Variants in TTLL11 observed in about 807,000 individuals in gnomAD.
TTLL11 encodes the protein tubulin polyglutamylase TTLL11.
Under a neutral mutation model 51.7 loss-of-function variants are expected in TTLL11, and 42 were observed. The ratio of observed to expected loss-of-function variants is 0.81; its 90% CI spans 0.64 to 1.05. TTLL11 has a LOEUF of 1.05. Among genes scored for constraint, TTLL11 ranks in the 50% least tolerant of loss-of-function variants. The probability of loss-of-function intolerance (pLI) is 0.00; values close to 1 mark genes in which losing one functional copy is unlikely to be tolerated. For missense variants in TTLL11, 799 were observed against 940.4 expected (o/e 0.85, Z 1.97); for synonymous variants, 381 against 383.5 (o/e 0.99, Z 0.08).
intron 8 of TTLL11, among the ~76,000 whole-genome samples, chr9:121,829,688 A>C (rs1295947719): frequency 1.2e-4 from 18 of 152,052 alleles, no homozygotes; most frequent in Non-Finnish European, 5.9e-5. Context: ...AGGCAGTGCT[A>C]GACTTATAGG....
At chr9:121,855,341 C>A (rs751488587) in intron 8 of TTLL11, among the ~76,000 whole-genome samples, 1 of 152,138 alleles carries the variant, frequency 6.6e-6, no homozygotes. Context: ...TTTATTTAAA[C>A]GGATTATTTG....
At chr9:121,826,184 CTA>C (rs1166211047) in intron 8 of TTLL11, among the ~76,000 whole-genome samples, 570 of 51,108 alleles carry the variant, frequency 0.011, 15 homozygotes, top group Non-Finnish European at 0.014. Context: ...AACCAGTAAC[CTA>C]TATATATATA....
intron 1 of TTLL11, among the ~76,000 whole-genome samples, chr9:122,092,201 T>C (rs1297690917): frequency 6.6e-6 from 1 of 152,190 alleles, no homozygotes; most frequent in Non-Finnish European, 1.5e-5. Flanking sequence ...TGAAGCAACT[T>C]ACTCAAGGTC....
At chr9:122,048,404 C>T (rs1047600523) in intron 1 of TTLL11, among the ~76,000 whole-genome samples, 12 of 152,146 alleles carry the variant, frequency 7.9e-5, no homozygotes, top group African/African-American at 1.4e-4. Context: ...TGGCCTCAAA[C>T]GGTTTTACCA....
At chr9:121,928,688 C>T (rs1840841492) in intron 6 of TTLL11, among the ~76,000 whole-genome samples, 1 of 152,014 alleles carries the variant, frequency 6.6e-6, no homozygotes, top group South Asian at 2.1e-4. Flanking sequence ...GTCTGCCCAC[C>T]TCAGCCTCCC....
intron 3 of TTLL11, among the ~76,000 whole-genome samples, chr9:122,019,027 T>TC (rs1488760139): frequency 6.6e-6 from 1 of 152,172 alleles, no homozygotes; most frequent in Non-Finnish European, 1.5e-5. Context: ...CTCTTGGGTT[T>TC]CCCATCTTGG....
At chr9:121,874,422 T>C (rs1838487631) in intron 6 of TTLL11, among the ~76,000 whole-genome samples, 1 of 152,250 alleles carries the variant, frequency 6.6e-6, no homozygotes, top group Non-Finnish European at 1.5e-5. Context: ...ATGCTCTTTG[T>C]AGACATTCTG....
At position 121,822,727 on chromosome 9, in the gene TTLL11, C is replaced by G; in HGVS notation, c.1993G>C (p.Gly665Arg). The G allele has an allele frequency of 6.4e-7, 1 of 1,551,304 alleles. No individual in the cohort carries two copies. The highest frequency in any genetic ancestry group is 8.7e-7 in the Non-Finnish European group (1 of 1,146,944). The change falls in exon 9 of 9, where the codon GGC becomes CGC. Residue 665 changes from glycine to arginine, a missense_variant. This residue lies in a region of TTLL11 where 165 missense variants were observed against 166.1 expected (regional missense o/e 0.99). Transcript: ENST00000321582. This position sits in a 1 kb window ranked among gnomAD's most constrained non-coding sequence, Gnocchi z 5.8. The part of the protein sequence containing the change: ...LDEKRLVCGR[G>R]VPSGGRPPHR... ...GGGGGCCGGCCCCCCGACGGGACGC[C>G]CCGGCCACACACCAGGCGTTTTTCA...
chr9:122,011,958 G>T (rs886262047), intron 3 of TTLL11, among the ~76,000 whole-genome samples: 1 of 152,158 alleles, frequency 6.6e-6, no homozygotes, highest in Non-Finnish European at 1.5e-5. Context: ...GCATGTTTGC[G>T]TGAGGGGAAA....
intron 2 of TTLL11, among the ~76,000 whole-genome samples, chr9:122,034,112 A>C (rs192310709): frequency 1.1e-4 from 16 of 152,328 alleles, no homozygotes; most frequent in Admixed American, 9.8e-4. Context: ...CTCCACGTAG[A>C]GGATGCCTCC....
chr9:122,032,411 A>G (rs1395966458), intron 2 of TTLL11, among the ~76,000 whole-genome samples: 2 of 152,250 alleles, frequency 1.3e-5, no homozygotes, highest in East Asian at 3.8e-4. Flanking sequence ...GGAAATAAAA[A>G]GAATACCAAA....
chr9:122,092,600 C>T, intron 1 of TTLL11, 87 bp downstream of exon 1: 3 of 1,500,008 alleles, frequency 2.0e-6, no homozygotes, highest in Non-Finnish European at 2.7e-6. Flanking sequence ...CCCTCGCCCG[C>T]CGACCTGACC....
intron 3 of TTLL11, among the ~76,000 whole-genome samples, chr9:122,014,523 G>A (rs1843908008): frequency 6.6e-6 from 1 of 152,132 alleles, no homozygotes; most frequent in Non-Finnish European, 1.5e-5. Context: ...CATAGTGCCT[G>A]TGTTTAATTC....
intron 6 of TTLL11, among the ~76,000 whole-genome samples, chr9:121,926,208 T>G (rs1281297343): frequency 6.6e-6 from 1 of 152,106 alleles, no homozygotes; most frequent in Non-Finnish European, 1.5e-5. Flanking sequence ...GGCCCGGGGC[T>G]GGGGTGCACA....
chr9:121,934,235 A>AAAATAAAT (rs58764604), intron 6 of TTLL11, among the ~76,000 whole-genome samples: 88,636 of 146,196 alleles, frequency 0.61, 29,046 homozygotes, highest in Non-Finnish European at 0.75. Flanking sequence ...CTCCATCTCA[A>AAAATAAAT]AAATAAATAA....
chr9:122,039,512 T>C, intron 1 of TTLL11, 144 bp from the exon 2 acceptor site: 2 of 600,622 alleles, frequency 3.3e-6, no homozygotes, highest in Admixed American at 3.1e-5. Context: ...AGTGATATTC[T>C]TTGCCATTTT....
At chr9:121,841,741 T>C (rs1159368514) in intron 8 of TTLL11, among the ~76,000 whole-genome samples, 2 of 152,034 alleles carry the variant, frequency 1.3e-5, no homozygotes, top group East Asian at 1.9e-4. Context: ...GGCCAGACCA[T>C]TGTTTGTTGT....
chr9:121,894,997 TC>T lies in TTLL11; in HGVS notation c.1482-24250del, dbSNP rs869180356. 6.8e-4 allele frequency among the ~76,000 whole-genome samples: 77 copies of T among 112,752 alleles called. No individual in the cohort carries two copies. In the Middle Eastern group the frequency reaches 0.015, roughly 22 times the overall value. 74.0% of individuals were successfully genotyped at this position (112,752 alleles called of 152,430 possible). On this transcript the variant is annotated intron_variant, in intron 6 of 8. Transcript: ENST00000321582. ...GGTTGAGAAGAAAAGTCAGCGGGGG[TC>T]AGGGGAGGTGGGACCAACGACAGGA...
At chr9:122,006,998 A>AAAAC (rs1843673020) in intron 3 of TTLL11, among the ~76,000 whole-genome samples, 1 of 129,872 alleles carries the variant, frequency 7.7e-6, no homozygotes, top group African/African-American at 3.7e-5. Context: ...AAAAAAAAAA[A>AAAAC]AAAAAAAAAA....
Sources: allele counts gnomAD v4.1 joint callset (sites outside exome capture counted in the v4.1 genomes callset), GRCh38; gene constraint gnomAD v4.1.1; regional missense constraint gnomAD v4.1.1; non-coding constraint Gnocchi (gnomAD v3.1); transcripts MANE v1.5; gene names NCBI Gene and HGNC (gene_info 2026-07-23, HGNC 2026-07-21).